The following ZNF570 variants were observed in gnomAD, a reference collection of about 807,000 sequenced individuals.
The protein encoded by ZNF570 is zinc finger protein 570.
Under a neutral mutation model 14.2 loss-of-function variants are expected in ZNF570, and 8 were observed. The ratio of observed to expected loss-of-function variants is 0.56; its 90% confidence interval spans 0.33 to 1.02. ZNF570 has a LOEUF of 1.02. ZNF570 is among the 50% of genes least tolerant of loss of function. The pLI is 0.03. For missense variants in ZNF570, 559 were observed against 624.9 expected, an observed-to-expected ratio of 0.89 and a Z score of 1.12; for synonymous variants, 202 against 207.6, an observed-to-expected ratio of 0.97 and a Z score of 0.23.
rs1010907430 is a variant in ZNF570 at position 37,486,535 on chromosome 19, C to T, written c.*1302C>T. ...CATGTATTGAGTGCCCACTACACAT[C>T]AGGCACTGTCTTACATACTCTACAT... On this transcript the variant is annotated 3_prime_UTR_variant, in exon 5 of 5. Coordinates refer to ENST00000330173, the MANE Select transcript of ZNF570 (RefSeq NM_144694.5). 6.6e-6 allele frequency: 1 copy of T among 152,160 alleles called. No individual in the cohort carries two copies. The highest frequency in any genetic ancestry group is 2.4e-5 in the African/African-American group (1 of 41,420). The allele number at this position is 152,160 out of a possible 1,614,324, so 9.4% of individuals were successfully genotyped here.
upstream of ZNF570, chr19:37,468,160 C>A: frequency 1.8e-6 from 1 of 567,844 alleles, no homozygotes; most frequent in South Asian, 2.3e-5. Context: ...GATGTTGGCT[C>A]ACTGCAGCCT....
At chr19:37,472,477 C>CA (rs2041977468) in intron 2 of ZNF570, among the ~76,000 whole-genome samples, 2 of 152,114 alleles carry the variant, frequency 1.3e-5, no homozygotes, top group Non-Finnish European at 2.9e-5. Flanking sequence ...CACGGTGACT[C>CA]ACGCCTGTAA....
chr19:37,484,681 A>G lies in ZNF570; in HGVS notation c.1059A>G (p.Thr353=). The G allele has an allele frequency of 6.2e-7, 1 of 1,613,570 alleles. No individual in the cohort carries two copies. Among genetic ancestry groups the G allele is most frequent in the Non-Finnish European group, 8.5e-7 (1 of 1,179,876 alleles). Residue 353 remains threonine, a synonymous_variant, in exon 5 of 5, where the codon ACA becomes ACG. Coordinates refer to ENST00000330173, the MANE Select transcript of ZNF570 (RefSeq NM_144694.5). ...SSIAQHQRVH[T]GEKPYECNVC... Reference sequence around the variant, plus strand: ...TTGCTCAACACCAGAGAGTTCATACAGGAGAGAAACCCTATGAATGTAATG... The same window carrying G: ...TTGCTCAACACCAGAGAGTTCATACGGGAGAGAAACCCTATGAATGTAATG...
intron 2 of ZNF570, among the ~76,000 whole-genome samples, chr19:37,471,032 T>TTTTTTTTTTTTTTTGG (rs2041954676): frequency 7.4e-6 from 1 of 134,422 alleles, no homozygotes; most frequent in African/African-American, 3.0e-5. Flanking sequence ...TTTTTTTTGT[T>TTTTTTTTTTTTTTTGG]GAGACGGAGT....
Position 37,488,021 on chromosome 19 carries a change from G to T in ZNF570, c.*2788G>T, listed in dbSNP as rs964940293. ...ATAGGAACACTCATACGGTGCTATA[G>T]GAAGTAGTTGTGTTTAGCATAATTT... On this transcript the variant is annotated 3_prime_UTR_variant, in exon 5 of 5. Coordinates refer to ENST00000330173, the MANE Select transcript of ZNF570 (RefSeq NM_144694.5). 9 of 152,238 alleles carry T rather than the reference G, an allele frequency of 5.9e-5. No homozygotes were observed. The highest frequency in any genetic ancestry group is 2.2e-4 in the African/African-American group (9 of 41,464). 9.4% of individuals were successfully genotyped at this position (152,238 alleles called of 1,614,324 possible).
chr19:37,478,616 G>A (rs537566744), intron 4 of ZNF570, among the ~76,000 whole-genome samples: 2 of 145,906 alleles, frequency 1.4e-5, no homozygotes, highest in African/African-American at 4.9e-5. Flanking sequence ...GTCCACTTCC[G>A]GTCTTAATAA....
At chr19:37,475,117 C>G (rs1381238807) in intron 2 of ZNF570, among the ~76,000 whole-genome samples, 1 of 151,896 alleles carries the variant, frequency 6.6e-6, no homozygotes, top group Non-Finnish European at 1.5e-5. Flanking sequence ...GCATGTGCCA[C>G]CACACCTGGC....
At position 37,469,402 on chromosome 19, in the gene ZNF570, A is replaced by T. The variant is rs372777531; in HGVS notation, c.-207A>T. The T allele has an allele frequency of 3.9e-5, 59 of 1,515,226 alleles. No individual in the cohort carries two copies. In the East Asian group the frequency reaches 7.2e-4, roughly 19 times the overall value. The allele number at this position is 1,515,226 out of a possible 1,614,324, so 93.9% of individuals were successfully genotyped here. On this transcript the variant is annotated 5_prime_UTR_variant, in exon 1 of 5. Coordinates refer to ENST00000330173, the MANE Select transcript of ZNF570 (RefSeq NM_144694.5). The stretch of plus-strand genomic sequence containing the variant: ...GGCTGGGTTCCATCCAACTAAGGGT[A>T]GCGGTGAGACCCGAGTGCAGATTCC...
chr19:37,473,264 A>G (rs2041989098), intron 2 of ZNF570, among the ~76,000 whole-genome samples: 2 of 152,118 alleles, frequency 1.3e-5, no homozygotes, highest in Non-Finnish European at 2.9e-5. Flanking sequence ...ACTGCTTAGC[A>G]TGGTTGGTAT....
Position 37,472,470 on chromosome 19 carries a change from G to A in ZNF570, c.33+2083G>A, listed in dbSNP as rs147218842. 3.6e-3 allele frequency among the ~76,000 whole-genome samples: 553 copies of A among 152,184 alleles called. 4 individuals carry two copies. Among genetic ancestry groups the A allele is most frequent in the African/African-American group, 0.012 (506 of 41,524 alleles). On this transcript the variant is annotated intron_variant, in intron 2 of 4. Transcript: ENST00000330173. ...ATAAGAGAAGGAGAGACCTGGGCAC[G>A]GTGACTCACGCCTGTAATCCCAGCA...
rs1463185025 is a variant in ZNF570, at chr19:37,487,706, T to G, written c.*2473T>G. On this transcript the variant is annotated 3_prime_UTR_variant, in exon 5 of 5. Coordinates refer to ENST00000330173, the MANE Select transcript of ZNF570 (RefSeq NM_144694.5). ...GCCAAAATGTTTCAGTGGTTTTTTT[T>G]GTTTGTTGTTTTTGTTTTTGTTTTG... The G allele has an allele frequency of 1.3e-5, 2 of 152,234 alleles. No individual in the cohort carries two copies. Among genetic ancestry groups the G allele is most frequent in the Non-Finnish European group, 2.9e-5 (2 of 68,036 alleles). 9.4% of individuals were successfully genotyped at this position (152,234 alleles called of 1,614,324 possible). A position where few individuals can be genotyped will look rare whatever the true frequency, so the allele number is the denominator to read the frequency against.
chr19:37,479,033 T>C (rs1269087320), intron 4 of ZNF570, among the ~76,000 whole-genome samples: 2 of 151,310 alleles, frequency 1.3e-5, no homozygotes, highest in African/African-American at 2.4e-5. Flanking sequence ...TAGAAACATT[T>C]GTGTAAAATA....
intron 4 of ZNF570, among the ~76,000 whole-genome samples, chr19:37,479,686 C>T (rs888185496): frequency 2.6e-5 from 4 of 151,810 alleles, no homozygotes; most frequent in African/African-American, 9.7e-5. Flanking sequence ...TTCATTTGGT[C>T]ATATGTTTTT....
chr19:37,477,830 AT>A (rs2042045036), intron 4 of ZNF570, among the ~76,000 whole-genome samples: 1 of 152,148 alleles, frequency 6.6e-6, no homozygotes, highest in Non-Finnish European at 1.5e-5. Context: ...GGTCCCAGAT[AT>A]TTTTTGAATA....
intron 4 of ZNF570, among the ~76,000 whole-genome samples, chr19:37,481,247 G>T (rs138937380): frequency 8.4e-4 from 127 of 151,380 alleles, no homozygotes; most frequent in African/African-American, 3.1e-3. Flanking sequence ...TCCCCAACCC[G>T]CGTTCAAGCA....
intron 4 of ZNF570, among the ~76,000 whole-genome samples, chr19:37,482,821 C>G (rs2042102280): frequency 6.6e-6 from 1 of 150,468 alleles, no homozygotes; most frequent in African/African-American, 2.4e-5. Flanking sequence ...TGCTTTCTCT[C>G]TCTCTCTCTC....
chr19:37,470,616 T>G (rs531177523), intron 2 of ZNF570, among the ~76,000 whole-genome samples: 2 of 152,006 alleles, frequency 1.3e-5, no homozygotes, highest in South Asian at 4.2e-4. Flanking sequence ...CTAATTTTTC[T>G]CATCCTGTCT....
chr19:37,485,410 C>CT lies in ZNF570; in HGVS notation c.*186dup, dbSNP rs1300928189. 1.3e-3 allele frequency: 796 copies of CT among 591,190 alleles called. No homozygotes were observed. Among genetic ancestry groups the CT allele is most frequent in the South Asian group, 2.1e-3 (57 of 27,102 alleles). The allele number at this position is 591,190 out of a possible 1,614,324, so 36.6% of individuals were successfully genotyped here. On this transcript the variant is annotated 3_prime_UTR_variant, in exon 5 of 5. Transcript: ENST00000330173. ...ATGCACTCAAACGGATCTTTTTTTTCTTTTTTTTTCTTTTTGAGACAATGT... is the reference window on the plus strand; with the variant it reads ...ATGCACTCAAACGGATCTTTTTTTTCTTTTTTTTTTCTTTTTGAGACAATGT...
intron 2 of ZNF570, among the ~76,000 whole-genome samples, chr19:37,474,115 T>C (rs2041998694): frequency 1.3e-5 from 2 of 152,068 alleles, no homozygotes; most frequent in South Asian, 4.1e-4. Flanking sequence ...CAGGAAAAAG[T>C]GGGAACTGTA....
Sources: gnomAD v4.1 joint callset for allele counts (sites outside exome capture counted in the v4.1 genomes callset) on GRCh38, gnomAD v4.1.1 for gene constraint, MANE v1.5 for transcripts, NCBI Gene and HGNC (gene_info 2026-07-23, HGNC 2026-07-21) for gene names.